Variants in GNPTG observed in about 807,000 individuals in gnomAD.
GNPTG encodes the protein N-acetylglucosamine-1-phosphate transferase subunit gamma.
A neutral mutation model predicts 43.8 loss-of-function variants in GNPTG; 46 were observed. The ratio of observed to expected loss-of-function variants is 1.05; its 90% confidence interval spans 0.83 to 1.34. GNPTG has a LOEUF of 1.34. Ranked by LOEUF, GNPTG falls within the 40% of genes most tolerant of loss-of-function variation. GNPTG has a pLI of 0.00. For synonymous variants in GNPTG, 250 were observed against 172.8 expected (o/e 1.45, Z -3.50); for missense variants, 549 against 411.3 (o/e 1.33, Z -2.90).
intron 3 of GNPTG, among the ~76,000 whole-genome samples, chr16:1,354,598 A>AC (rs2034740922): frequency 6.6e-6 from 1 of 150,448 alleles, no homozygotes; most frequent in East Asian, 2.0e-4. Flanking sequence ...AAAAAAAAAA[A>AC]AAAAAAAAAA....
chr16:1,356,625 C>T (rs899562442), intron 3 of GNPTG, among the ~76,000 whole-genome samples: 13 of 152,184 alleles, frequency 8.5e-5, no homozygotes, highest in Admixed American at 2.6e-4. Flanking sequence ...CAGTAGGAGT[C>T]CACTGAAGCT....
At position 1,361,970 on chromosome 16, in the gene GNPTG, G is replaced by A. The variant is rs758027840; in HGVS notation, c.317+15G>A. 6.2e-7 allele frequency: 1 copy of A among 1,613,420 alleles called. No homozygotes were observed. Among genetic ancestry groups the A allele is most frequent in the Non-Finnish European group, 8.5e-7 (1 of 1,180,030 alleles). ...GGGATCCTCGGGTGAGTGGGGCCGG[G>A]GCAGGGATCCCAAAGCAGCAGCGCA... On this transcript the variant is annotated intron_variant, in intron 5 of 10. Coordinates refer to ENST00000204679, the MANE Select transcript of GNPTG (RefSeq NM_032520.5).
intron 1 of GNPTG, 37 bp downstream of exon 1, chr16:1,352,054 G>T (rs1228546645): frequency 2.3e-5 from 35 of 1,520,280 alleles, no homozygotes; most frequent in Non-Finnish European, 2.9e-5. Flanking sequence ...CAGGCCCCGC[G>T]CGCGCTCTGC....
chr16:1,356,757 G>A (rs1223953694), intron 3 of GNPTG, among the ~76,000 whole-genome samples: 1 of 152,204 alleles, frequency 6.6e-6, no homozygotes, highest in Non-Finnish European at 1.5e-5. Flanking sequence ...CGGCGCCCAC[G>A]CCCCTCCTGG....
chr16:1,363,244 A>C lies in GNPTG; in HGVS notation c.*153A>C. The stretch of plus-strand genomic sequence containing the variant: ...TTAATTAATTCCCATACTGATAAAA[A>C]TAACTCCATGAATTCTGTAAACCAT... On this transcript the variant is annotated 3_prime_UTR_variant, in exon 11 of 11. Coordinates refer to ENST00000204679, the MANE Select transcript of GNPTG (RefSeq NM_032520.5). 1.4e-6 allele frequency: 1 copy of C among 706,392 alleles called. No homozygotes were observed. 43.8% of individuals were successfully genotyped at this position (706,392 alleles called of 1,614,324 possible).
chr16:1,355,384 G>A (rs78806312), intron 3 of GNPTG, among the ~76,000 whole-genome samples: 2,110 of 152,278 alleles, frequency 0.014, 50 homozygotes, highest in African/African-American at 0.046. Context: ...ACTCAGGGGC[G>A]TGGTGATTGT....
intron 3 of GNPTG, 116 bp from the exon 4 acceptor site, chr16:1,361,627 G>C: frequency 9.7e-7 from 1 of 1,029,096 alleles, no homozygotes; most frequent in South Asian, 1.4e-5. Flanking sequence ...CTGGGTGACA[G>C]AGTGAGACTC....
rs919111588 is a variant in GNPTG, at chr16:1,352,424, C to T, written c.178+118C>T. On this transcript the variant is annotated intron_variant, in intron 3 of 10. Transcript: ENST00000204679. ...GAGTCTAAAGCATTGGTTTGTCAGCCTTCTAAAATTAATGTGGAAGTACGA... is the reference window on the plus strand; with the variant it reads ...GAGTCTAAAGCATTGGTTTGTCAGCTTTCTAAAATTAATGTGGAAGTACGA... 2.4e-5 allele frequency: 25 copies of T among 1,024,744 alleles called. No homozygotes were observed. The African/African-American group carries it at 3.5e-4, about 14-fold the overall frequency. The allele number at this position is 1,024,744 out of a possible 1,614,324, so 63.5% of individuals were successfully genotyped here.
Position 1,363,085 on chromosome 16 carries a change from T to C in GNPTG, c.912T>C (p.Ser304=), listed in dbSNP as rs1222666650. The part of the protein sequence containing the change: ...QLRGDPGLRG[S]L ...GGGGTGACCCAGGACTGCGTGGGAG[T>C]TTGTGACCTTGTGGTGGGAGAGCAG... is the stretch of plus-strand genomic sequence containing the variant. The change falls in exon 11 of 11, where the codon AGT becomes AGC. Residue 304 remains serine, a synonymous_variant. Coordinates refer to ENST00000204679, the MANE Select transcript of GNPTG (RefSeq NM_032520.5). 1.9e-6 allele frequency: 3 copies of C among 1,613,382 alleles called. No homozygotes were observed. In the East Asian group the frequency reaches 6.7e-5, roughly 36 times the overall value.
At chr16:1,354,223 C>G (rs2034732814) in intron 3 of GNPTG, among the ~76,000 whole-genome samples, 3 of 152,044 alleles carry the variant, frequency 2.0e-5, no homozygotes, top group Admixed American at 2.0e-4. Context: ...GACCGAACCC[C>G]TTCCAGTAGG....
At position 1,361,889 on chromosome 16, in the gene GNPTG, G is replaced by A. The variant is rs778178434; in HGVS notation, c.251G>A (p.Cys84Tyr). The A allele has an allele frequency of 6.2e-7, 1 of 1,613,844 alleles. No individual in the cohort carries two copies. The highest frequency in any genetic ancestry group is 1.1e-5 in the South Asian group (1 of 91,090). The change falls in exon 5 of 11, where the codon TGC (cysteine) becomes TAC (tyrosine). Residue 84 changes from cysteine to tyrosine, a missense_variant. By Grantham distance (194) the Cys-to-Tyr change is radical. Coordinates refer to ENST00000204679, the MANE Select transcript of GNPTG (RefSeq NM_032520.5). Reference sequence around the variant, plus strand: ...GTCCCCAGGTACAAGTATGAGTTCTGCCCGTTCCACAACGTGACCCAGCAC... The same window carrying A: ...GTCCCCAGGTACAAGTATGAGTTCTACCCGTTCCACAACGTGACCCAGCAC... Reference protein sequence around the residue: ...LVESTYKYEFCPFHNVTQHEQ... With the variant: ...LVESTYKYEFYPFHNVTQHEQ...
intron 3 of GNPTG, among the ~76,000 whole-genome samples, chr16:1,356,293 C>G (rs562739238): frequency 6.6e-6 from 1 of 152,088 alleles, no homozygotes; most frequent in Non-Finnish European, 1.5e-5. Context: ...CCATGCAGGC[C>G]GTGAACACGG....
intron 3 of GNPTG, among the ~76,000 whole-genome samples, chr16:1,355,058 G>A (rs371121053): frequency 6.7e-6 from 1 of 149,170 alleles, no homozygotes; most frequent in African/African-American, 2.5e-5. Flanking sequence ...TGGATGGTCT[G>A]CCGCGTCTGC....
At chr16:1,355,467 G>A (rs1458689397) in intron 3 of GNPTG, among the ~76,000 whole-genome samples, 2 of 152,144 alleles carry the variant, frequency 1.3e-5, no homozygotes, top group African/African-American at 4.8e-5. Flanking sequence ...TGCCAGGGCC[G>A]AGGCTGGTGG....
rs1244418158 is a variant in GNPTG, at chr16:1,362,819, T to G, written c.742-6T>G. The G allele has an allele frequency of 6.2e-7, 1 of 1,613,838 alleles. No individual in the cohort carries two copies. The highest frequency in any genetic ancestry group is 2.2e-5 in the East Asian group (1 of 44,892). ...CTTTCCCTTGAACTCTTTTTGTGGTTGGTAGGCTCATAAAGAACTCTCAAA... is the reference window on the plus strand; with the variant it reads ...CTTTCCCTTGAACTCTTTTTGTGGTGGGTAGGCTCATAAAGAACTCTCAAA... On this transcript the variant is annotated splice_polypyrimidine_tract_variant and splice_region_variant and intron_variant, in intron 9 of 10. Transcript: ENST00000204679.
rs1479673323 is a variant in GNPTG, at chr16:1,362,627, T to C, written c.626T>C (p.Leu209Pro). The change falls in exon 9 of 11, where the codon CTG becomes CCG. Residue 209 changes from leucine (L) to proline (P), a missense_variant. Leu to Pro is a moderately conservative substitution (Grantham distance 98). Coordinates refer to ENST00000204679, the MANE Select transcript of GNPTG (RefSeq NM_032520.5). The part of the protein sequence containing the change: ...LITPQGHEKL[L>P]RTLFEDAGYL... ...CACCTTCAGGGCCATGAGAAGTTGC[T>C]GAGGACACTTTTTGAGGATGCTGGC... 3.7e-6 allele frequency: 6 copies of C among 1,614,168 alleles called. No homozygotes were observed. The highest frequency in any genetic ancestry group is 5.1e-6 in the Non-Finnish European group (6 of 1,180,022).
intron 3 of GNPTG, among the ~76,000 whole-genome samples, chr16:1,355,833 C>G (rs892249853): frequency 6.6e-6 from 1 of 152,032 alleles, no homozygotes; most frequent in Admixed American, 6.5e-5. Context: ...AGTGCGGCTC[C>G]CAGCATGTGA....
chr16:1,355,260 T>A (rs2034757189), intron 3 of GNPTG, among the ~76,000 whole-genome samples: 1 of 152,234 alleles, frequency 6.6e-6, no homozygotes, highest in Non-Finnish European at 1.5e-5. Context: ...ACTTGTTTTT[T>A]CTGTCTTTGA....
Position 1,352,002 on chromosome 16 carries a change from G to C in GNPTG, c.37G>C (p.Gly13Arg), listed in dbSNP as rs771155803. 2.6e-5 allele frequency: 38 copies of C among 1,451,512 alleles called. 1 individual carries two copies. Among genetic ancestry groups the C allele is most frequent in the South Asian group, 2.4e-4 (18 of 74,380 alleles). The allele number at this position is 1,451,512 out of a possible 1,614,324, so 89.9% of individuals were successfully genotyped here. A position where few individuals can be genotyped will look rare whatever the true frequency, so the allele number is the denominator to read the frequency against. The change falls in exon 1 of 11, where the codon GGG (glycine) becomes CGG (arginine). Residue 13 changes from glycine (G) to arginine (R), a missense_variant. Transcript: ENST00000204679. The part of the protein sequence containing the change: ...AGLARLLLLL[G>R]LSAGGPAPAG... Reference sequence around the variant, plus strand: ...GCTGGCGCGGCTCCTGTTGCTCCTCGGGCTCTCGGCCGGCGGTGAGTGGCC... The same window carrying C: ...GCTGGCGCGGCTCCTGTTGCTCCTCCGGCTCTCGGCCGGCGGTGAGTGGCC...
Sources: allele counts gnomAD v4.1 joint callset (sites outside exome capture counted in the v4.1 genomes callset), GRCh38; gene constraint gnomAD v4.1.1; transcripts MANE v1.5; gene names NCBI Gene and HGNC (gene_info 2026-07-23, HGNC 2026-07-21).